ST6GAL1: variants seen among roughly 807,000 people sequenced by gnomAD.
ST6GAL1 encodes ST6 beta-galactoside alpha-2,6-sialyltransferase 1.
ST6GAL1 carries 20 observed loss-of-function variants against 38.0 expected under a neutral mutation model. The ratio of observed to expected loss-of-function variants is 0.53; its 90% CI spans 0.37 to 0.77. The LOEUF (loss-of-function observed/expected upper bound fraction) is 0.77. ST6GAL1 is among the 30% of genes least tolerant of loss of function. The pLI is 0.00. For missense variants in ST6GAL1, 432 were observed against 496.4 expected (o/e 0.87, Z 1.23); for synonymous variants, 196 against 188.2 (o/e 1.04, Z -0.34).
chr3:187,054,757 C>T (rs1187372489), intron 5 of ST6GAL1, among the ~76,000 whole-genome samples: 5 of 152,162 alleles, frequency 3.3e-5, no homozygotes, highest in African/African-American at 1.2e-4. Context: ...GCCTAAAATT[C>T]TCTTTTTTTG....
intron 5 of ST6GAL1, among the ~76,000 whole-genome samples, chr3:187,063,380 G>C (rs1316949584): frequency 6.6e-6 from 1 of 152,176 alleles, no homozygotes; most frequent in Non-Finnish European, 1.5e-5. Flanking sequence ...AGGCTGAGGG[G>C]GAAAGAGGTT....
chr3:186,940,093 G>T (rs973199582), intron 1 of ST6GAL1, among the ~76,000 whole-genome samples: 2 of 152,158 alleles, frequency 1.3e-5, no homozygotes, highest in African/African-American at 4.8e-5. Flanking sequence ...ATTATTTCAA[G>T]ACCTGGACTG....
chr3:186,933,679 G>A (rs1212779580), intron 1 of ST6GAL1, among the ~76,000 whole-genome samples: 1 of 152,220 alleles, frequency 6.6e-6, no homozygotes, highest in Non-Finnish European at 1.5e-5. Flanking sequence ...GCCTAGAGAA[G>A]AGAAATTGCT....
At chr3:186,933,009 G>A (rs1231775991) in intron 1 of ST6GAL1, among the ~76,000 whole-genome samples, 1 of 152,154 alleles carries the variant, frequency 6.6e-6, no homozygotes, top group African/African-American at 2.4e-5. Flanking sequence ...TCAGGTACCC[G>A]GTGAAACCCC....
intron 2 of ST6GAL1, among the ~76,000 whole-genome samples, chr3:187,001,551 A>G (rs1716617832): frequency 6.6e-6 from 1 of 152,166 alleles, no homozygotes; most frequent in Non-Finnish European, 1.5e-5. Flanking sequence ...CTTCAGCTTC[A>G]TCTGTAAAAT....
rs1186121445 is a variant in ST6GAL1, at chr3:187,074,315, C to T, written c.961C>T (p.Pro321Ser). The stretch of plus-strand genomic sequence containing the variant: ...CCCAGAAGAGATTCAGCCAAACCCC[C>T]CATCCTCTGGGATGCTTGGTGAGTT... ...ISPEEIQPNP[P>S]SSGMLGIIIM... Residue 321 changes from proline to serine, a missense_variant, in exon 7 of 8, where the codon CCA (proline) becomes TCA (serine). Pro to Ser is a moderately conservative substitution (Grantham distance 74, BLOSUM62 -1). Transcript: ENST00000169298. The T allele has an allele frequency of 1.9e-6, 3 of 1,593,536 alleles. No individual in the cohort carries two copies. Among genetic ancestry groups the T allele is most frequent in the Admixed American group, 1.8e-5 (1 of 56,482 alleles).
intron 1 of ST6GAL1, among the ~76,000 whole-genome samples, chr3:186,944,039 G>T (rs1004462837): frequency 2.6e-5 from 4 of 152,210 alleles, no homozygotes; most frequent in Non-Finnish European, 5.9e-5. Context: ...GTTAAATTGG[G>T]ACTAGTGGGT....
intron 2 of ST6GAL1, among the ~76,000 whole-genome samples, chr3:186,985,924 T>C (rs1715903579): frequency 6.6e-6 from 1 of 152,198 alleles, no homozygotes; most frequent in Non-Finnish European, 1.5e-5. Flanking sequence ...CAGGGGAGGC[T>C]AAGCTGGGGA....
Position 187,033,820 on chromosome 3 carries a change from T to G in ST6GAL1, c.-182-4922T>G, listed in dbSNP as rs182878994. Among the ~76,000 whole-genome samples the G allele has an allele frequency of 3.1e-3, 475 of 152,102 alleles. 4 individuals carry two copies. Among genetic ancestry groups the G allele is most frequent in the South Asian group, 0.029 (138 of 4,822 alleles). On this transcript the variant is annotated intron_variant, in intron 2 of 7. Transcript: ENST00000169298. ...TCTACTTCAAAAAGTTAGAAAGATC[T>G]CAAATTAACAACCTAATATTGCACC... is the stretch of plus-strand genomic sequence containing the variant.
Position 187,078,073 on chromosome 3 carries a change from T to TC in ST6GAL1, c.*2271dup, listed in dbSNP as rs1719622498. 1 of 152,546 alleles carries TC rather than the reference T, an allele frequency of 6.6e-6. No homozygotes were observed. Among genetic ancestry groups the TC allele is most frequent in the Non-Finnish European group, 1.5e-5 (1 of 68,032 alleles). The allele number at this position is 152,546 out of a possible 1,614,324, so 9.4% of individuals were successfully genotyped here. ...TGACACACTGATTTTAATCTTCGAA[T>TC]CATGACACTGAGTGCAGAGGAGGTG... is the stretch of plus-strand genomic sequence containing the variant. On this transcript the variant is annotated 3_prime_UTR_variant, in exon 8 of 8. Transcript: ENST00000169298.
At chr3:186,940,897 G>T (rs375825032) in intron 1 of ST6GAL1, among the ~76,000 whole-genome samples, 48 of 150,582 alleles carry the variant, frequency 3.2e-4, no homozygotes, top group African/African-American at 1.0e-3. Flanking sequence ...ATTTCTAAGT[G>T]TTTTTAGACC....
intron 2 of ST6GAL1, chr3:186,996,761 C>T (rs943882712): frequency 6.6e-6 from 1 of 152,134 alleles, no homozygotes; most frequent in Admixed American, 6.6e-5. Flanking sequence ...TATAGAATTC[C>T]AGGCTCATGC....
At chr3:186,962,994 T>G (rs1303533262) in intron 1 of ST6GAL1, among the ~76,000 whole-genome samples, 1 of 152,172 alleles carries the variant, frequency 6.6e-6, no homozygotes, top group Non-Finnish European at 1.5e-5. Flanking sequence ...ACAGGTAGAG[T>G]ATGTTATCTG....
At chr3:186,984,428 G>T (rs928880673) in intron 2 of ST6GAL1, among the ~76,000 whole-genome samples, 1 of 152,158 alleles carries the variant, frequency 6.6e-6, no homozygotes, top group East Asian at 1.9e-4. Flanking sequence ...AGACCTCAAA[G>T]GCCCTGCCCA....
At chr3:187,031,356 T>A (rs1163641378) in intron 2 of ST6GAL1, among the ~76,000 whole-genome samples, 3 of 152,228 alleles carry the variant, frequency 2.0e-5, no homozygotes, top group African/African-American at 7.2e-5. Flanking sequence ...CCTGTCTCAG[T>A]TTCCCTGTTT....
intron 2 of ST6GAL1, among the ~76,000 whole-genome samples, chr3:187,000,271 C>T (rs1047962680): frequency 3.3e-5 from 5 of 151,780 alleles, no homozygotes; most frequent in African/African-American, 9.7e-5. Flanking sequence ...TATTTTGGGC[C>T]GGATGTGGTG....
intron 1 of ST6GAL1, among the ~76,000 whole-genome samples, chr3:186,960,637 G>A (rs1181995539): frequency 6.6e-6 from 1 of 151,994 alleles, no homozygotes. Flanking sequence ...ATGGTGATAG[G>A]AGGAAGTTAT....
intron 2 of ST6GAL1, among the ~76,000 whole-genome samples, chr3:186,988,565 T>A (rs1421429103): frequency 5.9e-5 from 1 of 17,074 alleles, no homozygotes; most frequent in African/African-American, 6.5e-4. Context: ...TGTTTTGGGG[T>A]GGGGGGGTGG....
At chr3:187,038,348 G>A (rs1347367663) in intron 2 of ST6GAL1, 2 of 151,976 alleles carry the variant, frequency 1.3e-5, no homozygotes, top group East Asian at 1.9e-4. Context: ...TGGGACTACC[G>A]GTGTGCGCCA....
Sources: allele counts gnomAD v4.1 joint callset (sites outside exome capture counted in the v4.1 genomes callset), GRCh38; gene constraint gnomAD v4.1.1; transcripts MANE v1.5; gene names NCBI Gene and HGNC (gene_info 2026-07-23, HGNC 2026-07-21).